Variants in PCDHGA2 observed in about 807,000 individuals in gnomAD.
The protein encoded by PCDHGA2 is protocadherin gamma-A2.
Under a neutral mutation model 59.2 loss-of-function variants are expected in PCDHGA2, and 40 were observed. The observed-to-expected ratio is 0.68, with a 90% CI of 0.52 to 0.88. PCDHGA2 has a LOEUF of 0.88. PCDHGA2 is among the 40% of genes least tolerant of loss of function. PCDHGA2 has a pLI of 0.00. For synonymous variants in PCDHGA2, 560 were observed against 526.0 expected (o/e 1.06, Z -0.89); for missense variants, 1,226 against 1,204.0 (o/e 1.02, Z -0.27).
chr5:141,440,997 A>G (rs1191545127), intron 1 of PCDHGA2: 1 of 152,178 alleles, frequency 6.6e-6, no homozygotes, highest in East Asian at 1.9e-4. Context: ...ACCCATATCT[A>G]GTTTGGCCTT....
Position 141,491,509 on chromosome 5 carries a change from C to T in PCDHGA2, c.2425-3298C>T. 6.2e-7 allele frequency: 1 copy of T among 1,614,058 alleles called. No individual in the cohort carries two copies. Among genetic ancestry groups the T allele is most frequent in the Non-Finnish European group, 8.5e-7 (1 of 1,180,022 alleles). On this transcript the variant is annotated intron_variant, in intron 1 of 3. Coordinates refer to ENST00000394576, the MANE Select transcript of PCDHGA2 (RefSeq NM_018915.4). The surrounding 1 kb of genome is among the most constrained non-coding windows in gnomAD (Gnocchi z 6.9). Reference sequence around the variant, plus strand: ...CCTGCAGGTGAGCTCGGACGGCACGCTCAAGTACATGGAGGTGACGCTGCG... The same window carrying T: ...CCTGCAGGTGAGCTCGGACGGCACGTTCAAGTACATGGAGGTGACGCTGCG...
In PCDHGA2 at chr5:141,389,708, G is replaced by C. The variant is rs773973967; in HGVS notation, c.2424+48313G>C. On this transcript the variant is annotated intron_variant, in intron 1 of 3. Coordinates refer to ENST00000394576, the MANE Select transcript of PCDHGA2 (RefSeq NM_018915.4). ...CCTGGCTGTCCTACCACGTGCTGCA[G>C]GCTAGCGAGCCCGGGCTCTTCAGCC... The C allele has an allele frequency of 4.3e-6, 7 of 1,612,610 alleles. No homozygotes were observed. In the South Asian group the frequency reaches 7.7e-5, roughly 18 times the overall value.
At chr5:141,409,952 C>T (rs892751686) in intron 1 of PCDHGA2, 2 of 1,613,232 alleles carry the variant, frequency 1.2e-6, no homozygotes, top group Non-Finnish European at 1.7e-6. Context: ...CTCTGCAGAG[C>T]CCGGCTACCT....
At position 141,418,763 on chromosome 5, in the gene PCDHGA2, C is replaced by G. The variant is rs914122527; in HGVS notation, c.2425-76044C>G. The stretch of plus-strand genomic sequence containing the variant: ...TCTGGATTACACTACAGGAAACATT[C>G]TAACTCAGCAGCCTTTGGATTTTGA... On this transcript the variant is annotated intron_variant, in intron 1 of 3. Coordinates refer to ENST00000394576, the MANE Select transcript of PCDHGA2 (RefSeq NM_018915.4). 5 of 1,613,728 alleles carry G rather than the reference C, an allele frequency of 3.1e-6. No homozygotes were observed. The Admixed American group carries it at 5.0e-5, about 16-fold the overall frequency.
chr5:141,401,836 A>G (rs1400731084), intron 1 of PCDHGA2, among the ~76,000 whole-genome samples: 3 of 152,204 alleles, frequency 2.0e-5, no homozygotes, highest in Admixed American at 1.3e-4. Flanking sequence ...GATTTCTTAT[A>G]ATACCACTTA....
At chr5:141,467,060 T>C (rs1304506319) in intron 1 of PCDHGA2, among the ~76,000 whole-genome samples, 1 of 151,520 alleles carries the variant, frequency 6.6e-6, no homozygotes, top group Non-Finnish European at 1.5e-5. Context: ...GTTTTCTTTT[T>C]TTTTTTTTTT....
rs1259490084 is a variant in PCDHGA2, at chr5:141,360,812, C to A, written c.2424+19417C>A. The stretch of plus-strand genomic sequence containing the variant: ...GGAGACCCACCTCAAAGTGGCACGA[C>A]CCAAATCCGAATCAAAGTCACGGAT... On this transcript the variant is annotated intron_variant, in intron 1 of 3. Transcript: ENST00000394576. 1.2e-6 allele frequency: 2 copies of A among 1,613,952 alleles called. No individual in the cohort carries two copies. The highest frequency in any genetic ancestry group is 1.1e-5 in the South Asian group (1 of 91,082).
At chr5:141,384,942 C>T (rs769507654) in intron 1 of PCDHGA2, 10 of 1,613,874 alleles carry the variant, frequency 6.2e-6, no homozygotes, top group African/African-American at 2.7e-5. Flanking sequence ...TTGAGCCCTC[C>T]GACGGTCCTT....
intron 1 of PCDHGA2, chr5:141,394,509 G>A (rs367855808): frequency 6.2e-7 from 1 of 1,614,146 alleles, no homozygotes; most frequent in Non-Finnish European, 8.5e-7. Context: ...CCTGTACCCC[G>A]CCCTCCCCAC....
intron 1 of PCDHGA2, chr5:141,388,544 A>C (rs755878131): frequency 5.6e-6 from 9 of 1,613,654 alleles, no homozygotes; most frequent in Non-Finnish European, 6.8e-6. Flanking sequence ...TTGGAGCTCC[A>C]CCCCTAAGCA....
rs1160254496 is a variant in PCDHGA2, at chr5:141,361,417, G to A, written c.2424+20022G>A. The A allele has an allele frequency of 1.9e-6, 3 of 1,613,898 alleles. No individual in the cohort carries two copies. The highest frequency in any genetic ancestry group is 2.7e-5 in the African/African-American group (2 of 74,936). On this transcript the variant is annotated intron_variant, in intron 1 of 3. Coordinates refer to ENST00000394576, the MANE Select transcript of PCDHGA2 (RefSeq NM_018915.4). ...TCTCACCATCACAGCCACCGACGGG[G>A]GCAAGCCGCCCCTCTCCTCCAGCAT...
chr5:141,487,656 C>G lies in PCDHGA2; in HGVS notation c.2425-7151C>G. ...GCTCAACAAATGCTTGAGGGTTATT[C>G]TGATCCAGGCATATGGCTAGGCCAT... On this transcript the variant is annotated intron_variant, in intron 1 of 3. Coordinates refer to ENST00000394576, the MANE Select transcript of PCDHGA2 (RefSeq NM_018915.4). The surrounding 1 kb of genome is among the most constrained non-coding windows in gnomAD (Gnocchi z 5.0). 6.2e-7 allele frequency: 1 copy of G among 1,613,658 alleles called. No individual in the cohort carries two copies. Among genetic ancestry groups the G allele is most frequent in the Non-Finnish European group, 8.5e-7 (1 of 1,179,794 alleles).
chr5:141,384,012 A>C, intron 1 of PCDHGA2: 1 of 1,613,830 alleles, frequency 6.2e-7, no homozygotes. Flanking sequence ...TTTTCTACCT[A>C]CAAGACAGAG....
At position 141,419,228 on chromosome 5, in the gene PCDHGA2, T is replaced by G. The variant is rs761014077; in HGVS notation, c.2425-75579T>G. The G allele has an allele frequency of 2.5e-6, 4 of 1,613,874 alleles. No individual in the cohort carries two copies. The East Asian group carries it at 8.9e-5, about 36-fold the overall frequency. On this transcript the variant is annotated intron_variant, in intron 1 of 3. Coordinates refer to ENST00000394576, the MANE Select transcript of PCDHGA2 (RefSeq NM_018915.4). Reference sequence around the variant, plus strand: ...CGCGCCGGTTTTCGGACAGTCAGCCTACCTGGTCCACGTGCCAGAAAACAA... The same window carrying G: ...CGCGCCGGTTTTCGGACAGTCAGCCGACCTGGTCCACGTGCCAGAAAACAA...
rs566635689 is a variant in PCDHGA2, at chr5:141,469,738, C to G, written c.2425-25069C>G. ...AGGAATTTATCATAAATACACACCT[C>G]AAAAATTACAAAAATACATATATAC... is the stretch of plus-strand genomic sequence containing the variant. On this transcript the variant is annotated intron_variant, in intron 1 of 3. Transcript: ENST00000394576. 6.7e-4 allele frequency among the ~76,000 whole-genome samples: 102 copies of G among 152,292 alleles called. 2 individuals are homozygous for G. Among genetic ancestry groups the G allele is most frequent in the African/African-American group, 2.4e-3 (99 of 41,552 alleles).
In PCDHGA2 at chr5:141,500,452, G is replaced by A. The variant is rs554196222; in HGVS notation, c.2484-4941G>A. 2.6e-3 allele frequency among the ~76,000 whole-genome samples: 398 copies of A among 151,620 alleles called. 2 individuals carry two copies. The highest frequency in any genetic ancestry group is 0.021 in the South Asian group (99 of 4,798). On this transcript the variant is annotated intron_variant, in intron 2 of 3. Transcript: ENST00000394576. ...TCTCGATCTCCTGACCTCGTGATCC[G>A]CCCGCCTCGGCCTCCCAAAGTGCTG... is the stretch of plus-strand genomic sequence containing the variant.
Position 141,374,537 on chromosome 5 carries a change from T to G in PCDHGA2, c.2424+33142T>G, listed in dbSNP as rs1430968090. Reference sequence around the variant, plus strand: ...CGAAAACGCAGCTCCATCCTCTCGTTTTCCACTAATGGAGGTCTATGACCC... The same window carrying G: ...CGAAAACGCAGCTCCATCCTCTCGTGTTCCACTAATGGAGGTCTATGACCC... On this transcript the variant is annotated intron_variant, in intron 1 of 3. Coordinates refer to ENST00000394576, the MANE Select transcript of PCDHGA2 (RefSeq NM_018915.4). 4 of 1,613,198 alleles carry G rather than the reference T, an allele frequency of 2.5e-6. No individual in the cohort carries two copies. In the Admixed American group the frequency reaches 5.0e-5, roughly 20 times the overall value.
intron 1 of PCDHGA2, chr5:141,346,060 G>T: frequency 6.2e-7 from 1 of 1,613,574 alleles, no homozygotes; most frequent in Non-Finnish European, 8.5e-7. Flanking sequence ...GCCGACCTGG[G>T]CAGCCTCGAG....
chr5:141,420,076 T>TC, intron 1 of PCDHGA2: 1 of 1,613,956 alleles, frequency 6.2e-7, no homozygotes, highest in Non-Finnish European at 8.5e-7. Context: ...GACCTGTGGG[T>TC]CCCCCCAACT....
Sources: gnomAD v4.1 joint callset for allele counts (sites outside exome capture counted in the v4.1 genomes callset) on GRCh38, gnomAD v4.1.1 for gene constraint, Gnocchi (gnomAD v3.1) non-coding constraint, MANE v1.5 for transcripts, NCBI Gene and HGNC (gene_info 2026-07-23, HGNC 2026-07-21) for gene names.